Variants in TECRL observed in about 807,000 individuals in gnomAD.
TECRL encodes trans-2,3-enoyl-CoA reductase like, also known as trans-2,3-enoyl-CoA reductase-like.
A neutral mutation model predicts 52.8 loss-of-function variants in TECRL; 63 were observed. The ratio of observed to expected loss-of-function variants is 1.19; its 90% confidence interval spans 0.97 to 1.47. The LOEUF (loss-of-function observed/expected upper bound fraction) is 1.47. Ranked by LOEUF, TECRL falls within the 40% of genes most tolerant of loss-of-function variation. The pLI is 0.00. For synonymous variants in TECRL, 164 were observed against 141.9 expected (o/e 1.16, Z -1.10); for missense variants, 482 against 429.6 (o/e 1.12, Z -1.08).
At chr4:64,346,573 G>T (rs1720002672) in intron 2 of TECRL, among the ~76,000 whole-genome samples, 1 of 152,384 alleles carries the variant, frequency 6.6e-6, no homozygotes, top group Non-Finnish European at 1.5e-5. Flanking sequence ...GCCCCTTTTA[G>T]TGATGACTGG....
intron 9 of TECRL, among the ~76,000 whole-genome samples, chr4:64,283,162 T>C (rs550148618): frequency 1.7e-4 from 26 of 152,188 alleles, no homozygotes; most frequent in African/African-American, 6.3e-4. Flanking sequence ...TTCATCCCAG[T>C]TTTAGAATGT....
chr4:64,314,063 T>C (rs1004583567), intron 5 of TECRL, among the ~76,000 whole-genome samples: 2 of 147,774 alleles, frequency 1.4e-5, no homozygotes, highest in South Asian at 2.2e-4. Flanking sequence ...GGCAGGAGAA[T>C]AGTGTGAACC....
intron 2 of TECRL, among the ~76,000 whole-genome samples, chr4:64,334,264 G>A (rs1718887619): frequency 2.0e-5 from 3 of 151,904 alleles, no homozygotes; most frequent in Admixed American, 6.6e-5. Context: ...ATTTAATATT[G>A]TTAAATTAGC....
chr4:64,345,907 C>CAACAAAAAAAAAA (rs1719923897), intron 2 of TECRL, among the ~76,000 whole-genome samples: 1 of 23,350 alleles, frequency 4.3e-5, no homozygotes, highest in Non-Finnish European at 6.8e-5. Flanking sequence ...GCCTCAACAG[C>CAACAAAAAAAAAA]AAAAAAAAAA....
At chr4:64,380,194 T>G (rs1722689201) in intron 1 of TECRL, among the ~76,000 whole-genome samples, 1 of 152,124 alleles carries the variant, frequency 6.6e-6, no homozygotes, top group African/African-American at 2.4e-5. Context: ...TTTGTATGTC[T>G]TCTTTAGAGA....
In TECRL at chr4:64,319,789, A is replaced by G. The variant is rs1265321179; in HGVS notation, c.435+2900T>C. 5.3e-5 allele frequency among the ~76,000 whole-genome samples: 8 copies of G among 152,056 alleles called. No individual in the cohort carries two copies. In the East Asian group the frequency reaches 1.5e-3, roughly 29 times the overall value. On this transcript the variant is annotated intron_variant, in intron 4 of 11. Transcript: ENST00000381210. ...CAATGTAAAGGAACCAATTATTGAT[A>G]CAAACAAAAATCAGGATGGATTTCA...
At chr4:64,342,857 T>C (rs1285350884) in intron 2 of TECRL, among the ~76,000 whole-genome samples, 1 of 152,144 alleles carries the variant, frequency 6.6e-6, no homozygotes, top group African/African-American at 2.4e-5. Context: ...TGGAAGCATT[T>C]CTGCTAAAAC....
rs529078879 is a variant in TECRL, at chr4:64,300,845, A to G, written c.731-828T>C. On this transcript the variant is annotated intron_variant, in intron 7 of 11. Transcript: ENST00000381210. ...CACTCATTGTCATAACGGTAATTGA[A>G]TCTTCATAATAATGCAAGACATGGC... Among the ~76,000 whole-genome samples the G allele has an allele frequency of 9.3e-5, 14 of 151,160 alleles. No homozygotes were observed. The South Asian group carries it at 2.5e-3, about 27-fold the overall frequency.
At chr4:64,366,789 C>T (rs935176089) in intron 2 of TECRL, among the ~76,000 whole-genome samples, 2 of 152,112 alleles carry the variant, frequency 1.3e-5, no homozygotes, top group African/African-American at 4.8e-5. Context: ...GACACTTATA[C>T]ACTATTGGTG....
chr4:64,367,137 G>A (rs756036615), intron 2 of TECRL, among the ~76,000 whole-genome samples: 2 of 152,112 alleles, frequency 1.3e-5, no homozygotes, highest in African/African-American at 2.4e-5. Context: ...CATAGGAACA[G>A]AAAACCAAAT....
chr4:64,357,948 G>A (rs1316042486), intron 2 of TECRL, among the ~76,000 whole-genome samples: 2 of 151,664 alleles, frequency 1.3e-5, no homozygotes, highest in Admixed American at 1.3e-4. Context: ...CCATGAACAT[G>A]TGATTTCTAC....
At chr4:64,314,868 G>T in intron 4 of TECRL, 105 bp from the exon 5 acceptor site, 1 of 779,976 alleles carries the variant, frequency 1.3e-6, no homozygotes, top group Non-Finnish European at 2.2e-6. Flanking sequence ...GAAACAGGTA[G>T]ATTTTTTGTA....
intron 7 of TECRL, among the ~76,000 whole-genome samples, chr4:64,302,850 C>G (rs1358082499): frequency 6.6e-6 from 1 of 151,408 alleles, no homozygotes; most frequent in African/African-American, 2.4e-5. Flanking sequence ...TTGCTGAAAA[C>G]AGCTTTAATA....
In TECRL at chr4:64,281,084, A is replaced by C; in HGVS notation, c.921T>G (p.Ile307Met). ...LVSCPNYTYE[I>M]GSWISFTVMT... ...TGACTGTGAAACTAATCCATGATCC[A>C]ATCTGTTATATTAAAACTTAAATTA... The change falls in exon 11 of 12, where the codon ATT (isoleucine) becomes ATG (methionine). Residue 307 changes from isoleucine to methionine, a missense_variant and splice_region_variant. Ile to Met is a conservative substitution (Grantham distance 10, BLOSUM62 1). Coordinates refer to ENST00000381210, the MANE Select transcript of TECRL (RefSeq NM_001010874.5). 6.2e-7 allele frequency: 1 copy of C among 1,600,556 alleles called. No individual in the cohort carries two copies. The highest frequency in any genetic ancestry group is 8.5e-7 in the Non-Finnish European group (1 of 1,171,416).
chr4:64,328,575 C>T lies in TECRL; in HGVS notation c.287-19G>A. On this transcript the variant is annotated intron_variant, in intron 2 of 11. Coordinates refer to ENST00000381210, the MANE Select transcript of TECRL (RefSeq NM_001010874.5). The stretch of plus-strand genomic sequence containing the variant: ...TTTGGACCTATTCAATGAAAAATAA[C>T]ATTTAATTGTCAGAAAAAGTGTAAC... 2 of 1,604,954 alleles carry T rather than the reference C, an allele frequency of 1.2e-6. No homozygotes were observed. The highest frequency in any genetic ancestry group is 1.7e-5 in the Admixed American group (1 of 59,146).
chr4:64,383,374 T>G (rs1463208631), intron 1 of TECRL, among the ~76,000 whole-genome samples: 1 of 152,250 alleles, frequency 6.6e-6, no homozygotes, highest in Non-Finnish European at 1.5e-5. Flanking sequence ...TTTGTCTCCC[T>G]TCTGGAACAC....
At chr4:64,385,667 C>T (rs3921863) in intron 1 of TECRL, among the ~76,000 whole-genome samples, 152,221 of 152,230 alleles carry the variant, frequency 1, 76,106 homozygotes, top group Middle Eastern at 1. Flanking sequence ...ATATAATTTA[C>T]TGGGGACTGA....
chr4:64,294,077 C>T (rs935810985), intron 8 of TECRL, among the ~76,000 whole-genome samples: 3 of 151,606 alleles, frequency 2.0e-5, no homozygotes, highest in Non-Finnish European at 4.4e-5. Context: ...ACCTCTGCCT[C>T]CCGGGCTCAA....
intron 1 of TECRL, among the ~76,000 whole-genome samples, chr4:64,381,121 G>T (rs1023696086): frequency 6.6e-6 from 1 of 151,566 alleles, no homozygotes; most frequent in Non-Finnish European, 1.5e-5. Flanking sequence ...CCCCTTCCTG[G>T]TTAAATTTAT....
Sources: gnomAD v4.1 joint callset for allele counts (sites outside exome capture counted in the v4.1 genomes callset) on GRCh38, gnomAD v4.1.1 for gene constraint, MANE v1.5 for transcripts, NCBI Gene and HGNC (gene_info 2026-07-23, HGNC 2026-07-21) for gene names.